Variants in FRAS1 observed in about 807,000 individuals in gnomAD.
The protein encoded by FRAS1 is extracellular matrix organizing protein FRAS1.
In FRAS1, 290 loss-of-function variants were observed where a neutral mutation model predicts 435.2. The observed-to-expected ratio is 0.67, with a 90% CI of 0.61 to 0.73. FRAS1 has a LOEUF of 0.73. Among genes scored for constraint, FRAS1 ranks in the 30% least tolerant of loss-of-function variants. The pLI is 0.00. For missense variants in FRAS1, 4,860 were observed against 5,001.5 expected, an observed-to-expected ratio of 0.97 and a Z score of 0.85; for synonymous variants, 1,800 against 1,851.0, an observed-to-expected ratio of 0.97 and a Z score of 0.71.
At chr4:78,409,694 C>T (rs535769318) in intron 31 of FRAS1, among the ~76,000 whole-genome samples, 161 of 152,268 alleles carry the variant, frequency 1.1e-3, no homozygotes, top group African/African-American at 3.7e-3. Flanking sequence ...TGTTTAAGCA[C>T]AGATACCAAG....
Position 78,534,597 on chromosome 4 carries a change from A to G in FRAS1, c.11074A>G (p.Lys3692Glu). The G allele has an allele frequency of 1.9e-6, 3 of 1,613,046 alleles. No individual in the cohort carries two copies. The highest frequency in any genetic ancestry group is 2.5e-6 in the Non-Finnish European group (3 of 1,179,324). Residue 3692 changes from lysine (K) to glutamate (E), a missense_variant, in exon 71 of 74, where the codon AAA (lysine) becomes GAA (glutamate). Coordinates refer to ENST00000512123, the MANE Select transcript of FRAS1 (RefSeq NM_025074.7). ...SDMSLAEMDY[K>E]GAFSKGQILY... Reference sequence around the variant, plus strand: ...TATGTCACTAGCAGAAATGGATTACAAAGGAGCCTTTTCAAAAGGTGAGTT... The same window carrying G: ...TATGTCACTAGCAGAAATGGATTACGAAGGAGCCTTTTCAAAAGGTGAGTT...
chr4:78,262,964 T>G (rs1726184242), intron 6 of FRAS1, among the ~76,000 whole-genome samples: 1 of 152,166 alleles, frequency 6.6e-6, no homozygotes, highest in Non-Finnish European at 1.5e-5. Context: ...AATATGTAAA[T>G]GAATGGGCAT....
At chr4:78,496,283 G>A (rs1720504669) in intron 59 of FRAS1, among the ~76,000 whole-genome samples, 1 of 152,160 alleles carries the variant, frequency 6.6e-6, no homozygotes, top group African/African-American at 2.4e-5. Context: ...ATATCATTTG[G>A]CAGCAGATTC....
At chr4:78,510,242 A>G (rs1255771430) in intron 63 of FRAS1, among the ~76,000 whole-genome samples, 1 of 152,218 alleles carries the variant, frequency 6.6e-6, no homozygotes, top group Non-Finnish European at 1.5e-5. Context: ...AGATAAATTT[A>G]TGACTTTATG....
chr4:78,431,164 T>A (rs1329609859), intron 37 of FRAS1, among the ~76,000 whole-genome samples: 1 of 152,216 alleles, frequency 6.6e-6, no homozygotes, highest in Non-Finnish European at 1.5e-5. Flanking sequence ...CTTCTGAATA[T>A]CACTGGTGGG....
chr4:78,541,212 A>C lies in FRAS1; in HGVS notation c.*88A>C. On this transcript the variant is annotated 3_prime_UTR_variant, in exon 74 of 74. Transcript: ENST00000512123. ...TATTTTTATAATCTCGCAGATAAAA[A>C]AGGGAAAACTATAGCTTTGAGTGGC... 1 of 815,910 alleles carries C rather than the reference A, an allele frequency of 1.2e-6. No homozygotes were observed. Among genetic ancestry groups the C allele is most frequent in the Non-Finnish European group, 1.7e-6 (1 of 577,146 alleles). The allele number at this position is 815,910 out of a possible 1,614,324, so 50.5% of individuals were successfully genotyped here. A position where few individuals can be genotyped will look rare whatever the true frequency, so the allele number is the denominator to read the frequency against.
At chr4:78,168,583 C>T (rs1028694032) in intron 2 of FRAS1, among the ~76,000 whole-genome samples, 1 of 151,896 alleles carries the variant, frequency 6.6e-6, no homozygotes, top group Non-Finnish European at 1.5e-5. Flanking sequence ...TACCTTTTCT[C>T]CTTTTATCAG....
chr4:78,201,696 T>C (rs957467534), intron 2 of FRAS1, among the ~76,000 whole-genome samples: 1 of 152,190 alleles, frequency 6.6e-6, no homozygotes, highest in Non-Finnish European at 1.5e-5. Flanking sequence ...TTTTGTAGCA[T>C]AATGCCTGCT....
intron 2 of FRAS1, among the ~76,000 whole-genome samples, chr4:78,209,124 A>G (rs1723393700): frequency 6.6e-6 from 1 of 152,134 alleles, no homozygotes; most frequent in South Asian, 2.1e-4. Flanking sequence ...CAGCCTGGGC[A>G]GCAGAGCAAG....
Position 78,507,527 on chromosome 4 carries a change from T to A in FRAS1, c.9423T>A (p.Val3141=). The A allele has an allele frequency of 6.2e-7, 1 of 1,612,214 alleles. No individual in the cohort carries two copies. The highest frequency in any genetic ancestry group is 8.5e-7 in the Non-Finnish European group (1 of 1,179,244). ...GCCCAGATGACCCAGTGGAAGCAGT[T>A]CTTGGGGATGTGACTACTGCCACGG... is the stretch of plus-strand genomic sequence containing the variant. The part of the protein sequence containing the change: ...VLGPDDPVEA[V]LGDVTTATVT... The change falls in exon 62 of 74, where the codon GTT becomes GTA. Residue 3141 remains valine, a synonymous_variant. Coordinates refer to ENST00000512123, the MANE Select transcript of FRAS1 (RefSeq NM_025074.7).
rs1721059914 is a variant in FRAS1 at position 78,512,093 on chromosome 4, C to A, written c.10013+587C>A. On this transcript the variant is annotated intron_variant, in intron 64 of 73. Coordinates refer to ENST00000512123, the MANE Select transcript of FRAS1 (RefSeq NM_025074.7). ...GAGGCACTCCTAAATATCTACTGAA[C>A]AAATGAATAATAACATTGTAGAAAT... Among the ~76,000 whole-genome samples, 4 of 152,140 alleles carry A rather than the reference C, an allele frequency of 2.6e-5. No individual in the cohort carries two copies. The South Asian group carries it at 8.3e-4, about 32-fold the overall frequency.
At chr4:78,464,748 G>T (rs1347026525) in intron 49 of FRAS1, among the ~76,000 whole-genome samples, 165 bp downstream of exon 49, 1 of 152,114 alleles carries the variant, frequency 6.6e-6, no homozygotes, top group Non-Finnish European at 1.5e-5. Context: ...TTCTGGAAAA[G>T]AAAAACAAAT....
intron 6 of FRAS1, among the ~76,000 whole-genome samples, chr4:78,259,632 G>A (rs1404040823): frequency 3.4e-5 from 5 of 149,132 alleles, no homozygotes; most frequent in South Asian, 2.2e-4. Flanking sequence ...AGTAGGTTGC[G>A]AAAATTTTCT....
At chr4:78,258,623 C>T (rs201001632) in intron 6 of FRAS1, among the ~76,000 whole-genome samples, 29 of 131,796 alleles carry the variant, frequency 2.2e-4, no homozygotes, top group South Asian at 7.5e-4. Context: ...TGTTTCTTTT[C>T]TTTTTTTTTT....
chr4:78,270,312 T>C lies in FRAS1; in HGVS notation c.981+2880T>C, dbSNP rs114743567. ...TTTCTGTTGCACAGGCCTTACTGTT[T>C]CTATACCTTCCCTACCTAATCATAC... is the stretch of plus-strand genomic sequence containing the variant. On this transcript the variant is annotated intron_variant, in intron 9 of 73. Coordinates refer to ENST00000512123, the MANE Select transcript of FRAS1 (RefSeq NM_025074.7). Among the ~76,000 whole-genome samples the C allele has an allele frequency of 4.1e-3, 618 of 152,284 alleles. 3 individuals are homozygous for C. The highest frequency in any genetic ancestry group is 0.014 in the African/African-American group (598 of 41,572).
chr4:78,495,183 T>C (rs1720476790), intron 59 of FRAS1, among the ~76,000 whole-genome samples: 1 of 152,174 alleles, frequency 6.6e-6, no homozygotes, highest in South Asian at 2.1e-4. Context: ...CTCACTGATT[T>C]GCAATGCTTT....
At chr4:78,448,944 C>T (rs563915236) in intron 44 of FRAS1, among the ~76,000 whole-genome samples, 1 of 152,182 alleles carries the variant, frequency 6.6e-6, no homozygotes, top group East Asian at 1.9e-4. Context: ...TACTAGAGTT[C>T]TGTTGTTTGT....
In FRAS1 at chr4:78,333,372, G is replaced by A; in HGVS notation, c.2238G>A (p.Gln746=). Residue 746 remains glutamine, a synonymous_variant, in exon 19 of 74, where the codon CAG becomes CAA. Coordinates refer to ENST00000512123, the MANE Select transcript of FRAS1 (RefSeq NM_025074.7). ...TGTTGGATGGGCAGTGCCTCTCCCA[G>A]TGCCCAGATGGCTACTTTCACCAGG... ...HVLLDGQCLS[Q]CPDGYFHQEG... The A allele has an allele frequency of 6.2e-7, 1 of 1,611,990 alleles. No homozygotes were observed. The highest frequency in any genetic ancestry group is 8.5e-7 in the Non-Finnish European group (1 of 1,179,078).
chr4:78,307,375 A>G (rs759025707), intron 14 of FRAS1, among the ~76,000 whole-genome samples: 65 of 152,234 alleles, frequency 4.3e-4, no homozygotes, highest in East Asian at 3.5e-3. Context: ...GCCTCCTTGA[A>G]CTGTGGTGGG....
Sources: allele counts gnomAD v4.1 joint callset (sites outside exome capture counted in the v4.1 genomes callset), GRCh38; gene constraint gnomAD v4.1.1; transcripts MANE v1.5; gene names NCBI Gene and HGNC (gene_info 2026-07-23, HGNC 2026-07-21).